BBS9: variants seen among roughly 807,000 people sequenced by gnomAD.
BBS9 encodes the protein Bardet-Biedl syndrome 9, also known as protein PTHB1.
Under a neutral mutation model 117.7 loss-of-function variants are expected in BBS9, and 89 were observed. That is an observed-to-expected ratio of 0.76 (90% CI 0.64 to 0.90). The LOEUF (loss-of-function observed/expected upper bound fraction) is 0.90. Ranked by LOEUF, BBS9 falls within the 40% of genes least tolerant of loss-of-function variation. The pLI is 0.00. For missense variants in BBS9, 982 were observed against 1,042.2 expected, an observed-to-expected ratio of 0.94 and a Z score of 0.80; for synonymous variants, 379 against 370.9, an observed-to-expected ratio of 1.02 and a Z score of -0.25.
intron 21 of BBS9, among the ~76,000 whole-genome samples, chr7:33,632,781 C>T (rs1865956402): frequency 6.6e-6 from 1 of 152,026 alleles, no homozygotes; most frequent in Non-Finnish European, 1.5e-5. Context: ...CCACACTACT[C>T]AAACATTCTT....
rs376704675 is a variant in BBS9 at position 33,605,168 on chromosome 7, T to C, written c.2633-27T>C. 902 of 1,599,672 alleles carry C rather than the reference T, an allele frequency of 5.6e-4. 2 individuals are homozygous for C. The highest frequency in any genetic ancestry group is 7.2e-4 in the Non-Finnish European group (842 of 1,166,802). On this transcript the variant is annotated intron_variant, in intron 22 of 22. Coordinates refer to ENST00000242067, the MANE Select transcript of BBS9 (RefSeq NM_198428.3). ...TCACTATTCAGATCTTTTCTCTCTC[T>C]TTCTCTCTTACTCTCTTTTTTTCCA...
At chr7:33,516,348 G>T (rs1585089244) in intron 20 of BBS9, among the ~76,000 whole-genome samples, 1 of 151,946 alleles carries the variant, frequency 6.6e-6, no homozygotes, top group Non-Finnish European at 1.5e-5. Context: ...AATTGGCCTG[G>T]TGCGGTGGCA....
chr7:33,252,127 G>C (rs1283868982), intron 5 of BBS9, among the ~76,000 whole-genome samples: 2 of 152,064 alleles, frequency 1.3e-5, no homozygotes, highest in South Asian at 2.1e-4. Context: ...AGAGAGGGAG[G>C]GGGGAGGTGC....
intron 17 of BBS9, among the ~76,000 whole-genome samples, chr7:33,372,932 G>T (rs1823131535): frequency 6.6e-6 from 1 of 152,012 alleles, no homozygotes; most frequent in Admixed American, 6.6e-5. Context: ...TATCCAGTTT[G>T]TTGGCATATA....
At chr7:33,595,380 A>G (rs1222967146) in intron 21 of BBS9, among the ~76,000 whole-genome samples, 3 of 152,338 alleles carry the variant, frequency 2.0e-5, no homozygotes, top group Middle Eastern at 3.4e-3. Context: ...GGCAAAGGAT[A>G]CAGACAGACA....
chr7:33,188,120 G>A, intron 5 of BBS9, among the ~76,000 whole-genome samples: 1 of 124,394 alleles, frequency 8.0e-6, no homozygotes, highest in South Asian at 3.2e-4. Flanking sequence ...GTGGCGGGTG[G>A]GGGTGGGGTA....
intron 21 of BBS9, among the ~76,000 whole-genome samples, chr7:33,571,334 A>G (rs1283077473): frequency 6.6e-6 from 1 of 152,028 alleles, no homozygotes; most frequent in Non-Finnish European, 1.5e-5. Flanking sequence ...AAACTACTGA[A>G]AGAACAGAAT....
intron 19 of BBS9, among the ~76,000 whole-genome samples, chr7:33,460,539 C>T (rs1265917645): frequency 6.6e-6 from 1 of 151,848 alleles, no homozygotes; most frequent in Non-Finnish European, 1.5e-5. Context: ...TTTTATCACA[C>T]TTAAATAGAC....
chr7:33,314,995 G>A (rs958380589), intron 9 of BBS9, among the ~76,000 whole-genome samples: 18 of 152,162 alleles, frequency 1.2e-4, no homozygotes, highest in African/African-American at 3.9e-4. Context: ...AAATGTAGTA[G>A]CTTACAACAA....
intron 5 of BBS9, among the ~76,000 whole-genome samples, chr7:33,254,027 A>G (rs1004789455): frequency 9.9e-5 from 15 of 152,216 alleles, no homozygotes; most frequent in Non-Finnish European, 1.6e-4. Flanking sequence ...ATACCAAACT[A>G]TATTAAATCC....
At chr7:33,586,564 T>C (rs992950283) in intron 21 of BBS9, among the ~76,000 whole-genome samples, 7 of 151,826 alleles carry the variant, frequency 4.6e-5, no homozygotes, top group African/African-American at 1.5e-4. Context: ...CAAAGAAAAA[T>C]AAATCATTTT....
chr7:33,396,929 C>T (rs1828064556), intron 19 of BBS9, among the ~76,000 whole-genome samples: 1 of 152,100 alleles, frequency 6.6e-6, no homozygotes, highest in Non-Finnish European at 1.5e-5. Context: ...ATAAATGGTG[C>T]TGGGAGAGCT....
chr7:33,516,273 G>A (rs573680420), intron 20 of BBS9, among the ~76,000 whole-genome samples: 117 of 151,722 alleles, frequency 7.7e-4, no homozygotes, highest in African/African-American at 2.8e-3. Flanking sequence ...GGTAGATCAT[G>A]AGGTCAGGAG....
intron 4 of BBS9, among the ~76,000 whole-genome samples, chr7:33,166,649 G>A (rs1411817638): frequency 6.6e-6 from 1 of 152,242 alleles, no homozygotes; most frequent in East Asian, 1.9e-4. Context: ...GGCTCCATGG[G>A]CGTGGGACCC....
intron 5 of BBS9, among the ~76,000 whole-genome samples, chr7:33,178,239 C>T (rs995171015): frequency 4.6e-5 from 7 of 152,356 alleles, no homozygotes; most frequent in Middle Eastern, 3.4e-3. Context: ...GCCATGCTTT[C>T]TGGCTTGGAG....
chr7:33,545,042 A>C (rs763558133), intron 21 of BBS9, among the ~76,000 whole-genome samples: 6 of 152,084 alleles, frequency 3.9e-5, no homozygotes, highest in Non-Finnish European at 8.8e-5. Flanking sequence ...CACACCCACC[A>C]TGCCCCTGCC....
chr7:33,260,092 C>G (rs527546411), intron 6 of BBS9, among the ~76,000 whole-genome samples: 1 of 151,794 alleles, frequency 6.6e-6, no homozygotes, highest in Non-Finnish European at 1.5e-5. Context: ...CTCTGCCTCC[C>G]GCGTTCAAGC....
chr7:33,604,988 A>G lies in BBS9; in HGVS notation c.2632+13A>G. 1 of 1,586,688 alleles carries G rather than the reference A, an allele frequency of 6.3e-7. No individual in the cohort carries two copies. The highest frequency in any genetic ancestry group is 1.3e-5 in the African/African-American group (1 of 74,390). ...ACACCCAGGCCTGGTAAGAGACTGG[A>G]TGGCCTTCACAAGCGTTAGTTAAGT... On this transcript the variant is annotated intron_variant, in intron 22 of 22. Transcript: ENST00000242067.
chr7:33,188,080 A>ATGTGTGTGTG (rs145485929), intron 5 of BBS9, among the ~76,000 whole-genome samples: 1,180 of 73,038 alleles, frequency 0.016, 22 homozygotes, highest in African/African-American at 0.038. Context: ...AGTTGAGTGA[A>ATGTGTGTGTG]TGTGTGTGTG....
Sources: allele counts gnomAD v4.1 joint callset (sites outside exome capture counted in the v4.1 genomes callset), GRCh38; gene constraint gnomAD v4.1.1; transcripts MANE v1.5; gene names NCBI Gene and HGNC (gene_info 2026-07-23, HGNC 2026-07-21).